Variants in VPS52 observed in about 807,000 individuals in gnomAD.
The protein encoded by VPS52 is VPS52 subunit of GARP complex.
A neutral mutation model predicts 98.7 loss-of-function variants in VPS52; 56 were observed. The ratio of observed to expected loss-of-function variants is 0.57; its 90% CI spans 0.46 to 0.71. VPS52 has a LOEUF of 0.71. VPS52 is among the 30% of genes least tolerant of loss of function. The probability of loss-of-function intolerance (pLI) is 0.00; values close to 1 mark genes in which losing one functional copy is unlikely to be tolerated. For synonymous variants in VPS52, 348 were observed against 346.4 expected (o/e 1.00, Z -0.05); for missense variants, 742 against 925.9 (o/e 0.80, Z 2.58).
At chr6:33,262,607 T>C (rs1263886777) in intron 17 of VPS52, among the ~76,000 whole-genome samples, 2 of 152,174 alleles carry the variant, frequency 1.3e-5, no homozygotes, top group African/African-American at 2.4e-5. Flanking sequence ...TAGCTAAGAT[T>C]TGGAAGCAAC....
At chr6:33,255,455 C>T (rs941008617) in intron 17 of VPS52, among the ~76,000 whole-genome samples, 4 of 138,970 alleles carry the variant, frequency 2.9e-5, no homozygotes, top group African/African-American at 5.4e-5. Context: ...CATGCCACTA[C>T]GCCTGGCTTT....
At chr6:33,269,688 C>T (rs1216758644) in intron 4 of VPS52, 56 bp downstream of exon 4, 1 of 1,588,524 alleles carries the variant, frequency 6.3e-7, no homozygotes, top group African/African-American at 1.3e-5. Context: ...ATCTGTACCA[C>T]ACGCCACAAA....
Position 33,269,149 on chromosome 6 carries a change from C to G in VPS52, c.413G>C (p.Ser138Thr), listed in dbSNP as rs144026256. 2.8e-4 allele frequency: 459 copies of G among 1,612,898 alleles called. No individual in the cohort carries two copies. Among genetic ancestry groups the G allele is most frequent in the Non-Finnish European group, 3.8e-4 (448 of 1,180,022 alleles). Residue 138 changes from serine to threonine, a missense_variant, in exon 6 of 20, where the codon AGC becomes ACC. Coordinates refer to ENST00000445902, the MANE Select transcript of VPS52 (RefSeq NM_022553.6). Reference protein sequence around the residue: ...QMLGAFQSDLSSISSEIRTLQ... With the variant: ...QMLGAFQSDLTSISSEIRTLQ... ...TGTCCGGATCTCAGAGCTGATGGAG[C>G]TGAGGTCACTCTGAAAAGCTCCCAA... is the stretch of plus-strand genomic sequence containing the variant.
At chr6:33,261,831 A>G (rs1763664507) in intron 17 of VPS52, among the ~76,000 whole-genome samples, 1 of 152,120 alleles carries the variant, frequency 6.6e-6, no homozygotes. Flanking sequence ...ACCTGAGGTC[A>G]GGAGTTTGAG....
intron 15 of VPS52, 50 bp from the exon 16 acceptor site, chr6:33,263,929 G>A: frequency 6.2e-7 from 1 of 1,612,982 alleles, no homozygotes; most frequent in Non-Finnish European, 8.5e-7. Flanking sequence ...GGTCATCTGG[G>A]CCCCATCTGG....
intron 13 of VPS52, 93 bp from the exon 14 acceptor site, chr6:33,264,590 G>A: frequency 1.3e-6 from 2 of 1,572,554 alleles, no homozygotes; most frequent in Non-Finnish European, 1.7e-6. Context: ...ATGGTCAATA[G>A]CTAGTTGTGG....
chr6:33,253,673 T>A (rs367553251), intron 17 of VPS52, among the ~76,000 whole-genome samples: 1 of 152,046 alleles, frequency 6.6e-6, no homozygotes, highest in South Asian at 2.1e-4. Flanking sequence ...GAGGATCACT[T>A]GAGCCCAGGA....
In VPS52 at chr6:33,271,693, C is replaced by A. The variant is rs768922647; in HGVS notation, c.-18G>T. 1 of 1,599,700 alleles carries A rather than the reference C, an allele frequency of 6.3e-7. No homozygotes were observed. ...GCGGCCATTCCCCGCAGCCTCACTT[C>A]CGGCAACTGTCAGTCCCGGCGAGTC... On this transcript the variant is annotated 5_prime_UTR_variant, in exon 1 of 20. Coordinates refer to ENST00000445902, the MANE Select transcript of VPS52 (RefSeq NM_022553.6).
chr6:33,257,385 T>TG (rs775153157), intron 17 of VPS52, among the ~76,000 whole-genome samples: 76 of 151,932 alleles, frequency 5.0e-4, no homozygotes, highest in Non-Finnish European at 1.1e-3. Flanking sequence ...TTTCTGGCCT[T>TG]GGAGTAATAA....
At chr6:33,263,277 A>C (rs982421507) in intron 17 of VPS52, among the ~76,000 whole-genome samples, 1 of 150,500 alleles carries the variant, frequency 6.6e-6, no homozygotes, top group African/African-American at 2.4e-5. Context: ...AAAAAAAAAA[A>C]AAAAAAACCA....
chr6:33,262,795 C>T (rs1763783901), intron 17 of VPS52, among the ~76,000 whole-genome samples: 2 of 152,198 alleles, frequency 1.3e-5, no homozygotes, highest in Admixed American at 1.3e-4. Context: ...CATGTGTTCT[C>T]ACTGATTCGT....
At chr6:33,271,403 T>G in intron 1 of VPS52, 183 bp downstream of exon 1, 5 of 856,118 alleles carry the variant, frequency 5.8e-6, no homozygotes, top group Non-Finnish European at 9.7e-6. Context: ...CCCCAGAACA[T>G]GAGTTTCAGC....
In VPS52 at chr6:33,263,620, C is replaced by T. The variant is rs982537564; in HGVS notation, c.1729-71G>A. 2.5e-6 allele frequency: 4 copies of T among 1,599,406 alleles called. No individual in the cohort carries two copies. In the Admixed American group the frequency reaches 6.7e-5, roughly 27 times the overall value. On this transcript the variant is annotated intron_variant, in intron 16 of 19. Coordinates refer to ENST00000445902, the MANE Select transcript of VPS52 (RefSeq NM_022553.6). ...TTCACTTCAGGATGTCCCCTTCATT[C>T]CACACTTATTGTACTAAGCTGGACA...
intron 17 of VPS52, among the ~76,000 whole-genome samples, chr6:33,252,363 C>T (rs1475476270): frequency 2.0e-5 from 3 of 151,980 alleles, no homozygotes; most frequent in Non-Finnish European, 4.4e-5. Context: ...CTGAGGTGGG[C>T]AGATCACCTG....
intron 11 of VPS52, 91 bp from the exon 12 acceptor site, chr6:33,266,803 G>T: frequency 6.7e-7 from 1 of 1,487,542 alleles, no homozygotes; most frequent in East Asian, 2.3e-5. Flanking sequence ...GTAAACCTGA[G>T]TAATAAGAGC....
intron 17 of VPS52, among the ~76,000 whole-genome samples, chr6:33,259,009 A>C (rs75096174): frequency 0.029 from 4,400 of 152,238 alleles, 151 homozygotes; most frequent in African/African-American, 0.083. Flanking sequence ...GCAACGGATG[A>C]ATGAGGTACA....
Position 33,267,270 on chromosome 6 carries a change from C to A in VPS52, c.1043G>T (p.Gly348Val). 6.2e-7 allele frequency: 1 copy of A among 1,604,872 alleles called. No homozygotes were observed. The change falls in exon 11 of 20, where the codon GGA becomes GTA. Residue 348 changes from glycine (G) to valine (V), a missense_variant. Coordinates refer to ENST00000445902, the MANE Select transcript of VPS52 (RefSeq NM_022553.6). This position sits in a 1 kb window ranked among gnomAD's most constrained non-coding sequence, Gnocchi z 4.2. ...GGGGGAGATGACAGAGCCGCGGGTT[C>A]CTAGGGTGAAAATGGTGTTCCTGCT... ...LRSRNTIFTL[G>V]TRGSVISPTE...
At chr6:33,252,659 G>A (rs1175737555) in intron 17 of VPS52, among the ~76,000 whole-genome samples, 1 of 149,164 alleles carries the variant, frequency 6.7e-6, no homozygotes, top group Non-Finnish European at 1.5e-5. Flanking sequence ...GAACAGACTT[G>A]AAAAAAGGAA....
chr6:33,257,518 C>T (rs1314290393), intron 17 of VPS52, among the ~76,000 whole-genome samples: 2 of 152,130 alleles, frequency 1.3e-5, no homozygotes, highest in African/African-American at 4.8e-5. Context: ...CCTGCCTCAG[C>T]CTCATGAGTA....
Sources: gnomAD v4.1 joint callset for allele counts (sites outside exome capture counted in the v4.1 genomes callset) on GRCh38, gnomAD v4.1.1 for gene constraint, Gnocchi (gnomAD v3.1) non-coding constraint, MANE v1.5 for transcripts, NCBI Gene and HGNC (gene_info 2026-07-23, HGNC 2026-07-21) for gene names.